The following TLR8 variants were observed in gnomAD, a reference collection of about 807,000 sequenced individuals.
The protein encoded by TLR8 is toll-like receptor 8.
In TLR8, 5 loss-of-function variants were observed where a neutral mutation model predicts 18.5. The observed-to-expected ratio is 0.27, with a 90% CI of 0.14 to 0.57. The LOEUF (loss-of-function observed/expected upper bound fraction) is 0.57. TLR8 is among the 20% of genes least tolerant of loss of function. The pLI is 0.92. For missense variants in TLR8, 543 were observed against 769.8 expected (o/e 0.71, Z 3.49); for synonymous variants, 299 against 300.1 (o/e 1.00, Z 0.04).
intron 1 of TLR8, among the ~76,000 whole-genome samples, chrX:12,909,461 T>C (rs767166547): frequency 2.5e-4 from 28 of 111,963 alleles, no homozygotes; most frequent in Middle Eastern, 4.2e-3. Flanking sequence ...CATTAGCAGA[T>C]ACAGGCTGTG....
chrX:12,920,894 T>C lies in TLR8; in HGVS notation c.1854T>C (p.Asn618=). 1 of 1,210,766 alleles carries C rather than the reference T, an allele frequency of 8.3e-7. No homozygotes were observed. Among genetic ancestry groups the C allele is most frequent in the Non-Finnish European group, 1.1e-6 (1 of 894,684 alleles). ...KSLVELVFSG[N]RLDILWNDDD... ...TGGTAGAATTAGTTTTCAGTGGCAA[T>C]CGCCTTGACATTTTGTGGAATGATG... The change falls in exon 2 of 2, where the codon AAT becomes AAC. Residue 618 remains asparagine (N), a synonymous_variant. Coordinates refer to ENST00000218032, the MANE Select transcript of TLR8 (RefSeq NM_138636.5).
chrX:12,914,875 G>A (rs1385037421), intron 1 of TLR8, among the ~76,000 whole-genome samples: 2 of 111,101 alleles, frequency 1.8e-5, no homozygotes, highest in Non-Finnish European at 3.8e-5. Flanking sequence ...GTTGGTAATA[G>A]GACACAAAAT....
rs1430894405 is a variant in TLR8, at chrX:12,921,122, C to A, written c.2082C>A (p.Asp694Glu). The change falls in exon 2 of 2, where the codon GAC becomes GAA. Residue 694 changes from aspartate to glutamate, a missense_variant. Transcript: ENST00000218032. ...LQQFPRLELLDLRGNKLLFLT... is the reference protein window; with the variant it reads ...LQQFPRLELLELRGNKLLFLT... ...AGTTTCCTCGTCTCGAGTTGCTTGA[C>A]TTACGTGGAAACAAACTACTCTTTT... 1 of 1,211,557 alleles carries A rather than the reference C, an allele frequency of 8.3e-7. No individual in the cohort carries two copies.
At chrX:12,916,559 C>T (rs1403235042) in intron 1 of TLR8, among the ~76,000 whole-genome samples, 4 of 112,155 alleles carry the variant, frequency 3.6e-5, no homozygotes, top group South Asian at 7.4e-4. Context: ...AGCCTGGAGA[C>T]CTGTGGCTGC....
intron 1 of TLR8, chrX:12,910,186 C>T (rs2043011445): frequency 1.7e-6 from 1 of 581,027 alleles, no homozygotes; most frequent in Non-Finnish European, 2.6e-6. Context: ...AATCAGAATC[C>T]ATCAAAAATT....
In TLR8 at chrX:12,919,209, G is replaced by A. The variant is rs2043076680; in HGVS notation, c.169G>A (p.Val57Ile). The change falls in exon 2 of 2, where the codon GTT becomes ATT. Residue 57 changes from valine to isoleucine, a missense_variant. Val to Ile is a conservative substitution (Grantham distance 29). Coordinates refer to ENST00000218032, the MANE Select transcript of TLR8 (RefSeq NM_138636.5). ...GTGCAGCAATCGTCGACTACAGGAA[G>A]TTCCCCAAACGGTGGGCAAATATGT... ...AECSNRRLQE[V>I]PQTVGKYVTE... 5.8e-6 allele frequency: 7 copies of A among 1,210,488 alleles called. No individual in the cohort carries two copies. The highest frequency in any genetic ancestry group is 7.8e-6 in the Non-Finnish European group (7 of 895,365).
At chrX:12,916,111 C>A (rs756761207) in intron 1 of TLR8, among the ~76,000 whole-genome samples, 12 of 111,567 alleles carry the variant, frequency 1.1e-4, no homozygotes, top group Non-Finnish European at 1.9e-4. Flanking sequence ...GAACTCCCGA[C>A]CTCAGGTGAT....
intron 1 of TLR8, among the ~76,000 whole-genome samples, chrX:12,910,603 A>T (rs2043014516): frequency 8.9e-6 from 1 of 112,317 alleles, no homozygotes; most frequent in African/African-American, 3.2e-5. Context: ...CTTCAGGCGA[A>T]TTCTGGGTGT....
In TLR8 at chrX:12,919,387, T is replaced by C; in HGVS notation, c.347T>C (p.Ile116Thr). 1 of 1,211,610 alleles carries C rather than the reference T, an allele frequency of 8.3e-7. No individual in the cohort carries two copies. The highest frequency in any genetic ancestry group is 1.1e-6 in the Non-Finnish European group (1 of 895,470). Residue 116 changes from isoleucine to threonine, a missense_variant, in exon 2 of 2, where the codon ATC becomes ACC. Physicochemically the swap from Ile to Thr is moderately conservative, Grantham distance 89 (BLOSUM62 -1). This residue lies in a region of TLR8 where 117 missense variants were observed against 111.0 expected (regional missense o/e 1.05). Coordinates refer to ENST00000218032, the MANE Select transcript of TLR8 (RefSeq NM_138636.5). ...GGTATACAATCAAATGGCTTGAATATCACAGACGGGGCATTCCTCAACCTA... is the reference window on the plus strand; with the variant it reads ...GGTATACAATCAAATGGCTTGAATACCACAGACGGGGCATTCCTCAACCTA... The part of the protein sequence containing the change: ...NPGIQSNGLN[I>T]TDGAFLNLKN...
Position 12,920,230 on chromosome X carries a change from C to T in TLR8, c.1190C>T (p.Ser397Leu). 2.5e-6 allele frequency: 3 copies of T among 1,206,484 alleles called. No individual in the cohort carries two copies. The highest frequency in any genetic ancestry group is 3.4e-6 in the Non-Finnish European group (3 of 893,132). The change falls in exon 2 of 2, where the codon TCG becomes TTG. Residue 397 changes from serine (S) to leucine (L), a missense_variant. Coordinates refer to ENST00000218032, the MANE Select transcript of TLR8 (RefSeq NM_138636.5). ...FQPLMQLPNL[S>L]TINLGINFIK... ...CCCCTGATGCAGCTTCCAAACTTAT[C>T]GACTATCAACTTGGGTATTAATTTT... is the stretch of plus-strand genomic sequence containing the variant.
rs766077025 is a variant in TLR8 at position 12,919,879 on chromosome X, G to A, written c.839G>A (p.Arg280His). 1 of 1,209,369 alleles carries A rather than the reference G, an allele frequency of 8.3e-7. No individual in the cohort carries two copies. Among genetic ancestry groups the A allele is most frequent in the Non-Finnish European group, 1.1e-6 (1 of 895,067 alleles). Residue 280 changes from arginine (R) to histidine (H), a missense_variant, in exon 2 of 2, where the codon CGT becomes CAT. Around this residue, in one of 4 missense-constraint regions of TLR8, gnomAD observed 185 missense variants for 298.9 expected, o/e 0.62. Coordinates refer to ENST00000218032, the MANE Select transcript of TLR8 (RefSeq NM_138636.5). Reference sequence around the variant, plus strand: ...GGTGGTGCTTCAATTAATATAGATCGTTTTGCTTTTCAAAACTTGACCCAA... The same window carrying A: ...GGTGGTGCTTCAATTAATATAGATCATTTTGCTTTTCAAAACTTGACCCAA... ...CDGGASINIDRFAFQNLTQLR... is the reference protein window; with the variant it reads ...CDGGASINIDHFAFQNLTQLR...
At chrX:12,916,726 T>C (rs1400940828) in intron 1 of TLR8, among the ~76,000 whole-genome samples, 2 of 112,370 alleles carry the variant, frequency 1.8e-5, no homozygotes, top group Non-Finnish European at 3.8e-5. Flanking sequence ...AGTTAGAATC[T>C]GGGCAGGTTT....
At chrX:12,910,441 A>G (rs1301306555) in intron 1 of TLR8, 2 of 1,167,473 alleles carry the variant, frequency 1.7e-6, no homozygotes. Context: ...GAGACTAAAA[A>G]GGTAAAAAGC....
chrX:12,914,853 G>A (rs2043044089), intron 1 of TLR8, among the ~76,000 whole-genome samples: 1 of 111,586 alleles, frequency 9.0e-6, no homozygotes, highest in Non-Finnish European at 1.9e-5. Flanking sequence ...CAGATGAAGA[G>A]ATTGGGGAGA....
chrX:12,920,390 T>C lies in TLR8; in HGVS notation c.1350T>C (p.His450=). 2 of 1,210,259 alleles carry C rather than the reference T, an allele frequency of 1.7e-6. No homozygotes were observed. The highest frequency in any genetic ancestry group is 1.8e-5 in the South Asian group (1 of 56,544). The change falls in exon 2 of 2, where the codon CAT becomes CAC. Residue 450 remains histidine, a synonymous_variant. Coordinates refer to ENST00000218032, the MANE Select transcript of TLR8 (RefSeq NM_138636.5). ...SYANSSSFQR[H]IRKRRSTDFE... ...CAAATAGTTCCTCTTTTCAACGTCA[T>C]ATCCGGAAACGACGCTCAACAGATT...
At chrX:12,914,414 C>T (rs906110335) in intron 1 of TLR8, among the ~76,000 whole-genome samples, 1 of 111,521 alleles carries the variant, frequency 9.0e-6, no homozygotes, top group African/African-American at 3.3e-5. Context: ...TGTCAGAACT[C>T]TCTTCTGAGC....
At position 12,921,441 on chromosome X, in the gene TLR8, G is replaced by T; in HGVS notation, c.2401G>T (p.Val801Phe). ...LNVKIPRLVD[V>F]ICASPGDQRG... is the part of the protein sequence containing the mutation. The stretch of plus-strand genomic sequence containing the variant: ...TGTCAAAATTCCCAGACTGGTAGAT[G>T]TCATTTGTGCCAGTCCTGGGGATCA... Residue 801 changes from valine to phenylalanine, a missense_variant, in exon 2 of 2, where the codon GTC becomes TTC. By Grantham distance (50) the Val-to-Phe change is conservative (BLOSUM62 -1). Coordinates refer to ENST00000218032, the MANE Select transcript of TLR8 (RefSeq NM_138636.5). 6 of 1,212,026 alleles carry T rather than the reference G, an allele frequency of 5.0e-6. No individual in the cohort carries two copies. Among genetic ancestry groups the T allele is most frequent in the Non-Finnish European group, 6.7e-6 (6 of 895,553 alleles).
At chrX:12,913,497 T>G (rs1174348708) in intron 1 of TLR8, among the ~76,000 whole-genome samples, 1 of 112,908 alleles carries the variant, frequency 8.9e-6, no homozygotes, top group Non-Finnish European at 1.9e-5. Context: ...TAATAAATAT[T>G]TAATGAATGA....
intron 1 of TLR8, among the ~76,000 whole-genome samples, chrX:12,907,885 CTGCACTAAAATT>C (rs2042995573): frequency 9.0e-6 from 1 of 111,547 alleles, no homozygotes; most frequent in African/African-American, 3.3e-5. Context: ...TAAATTAATT[CTGCACTAAAATT>C]TTACAATGCT....
Sources: allele counts gnomAD v4.1 joint callset (sites outside exome capture counted in the v4.1 genomes callset), GRCh38; gene constraint gnomAD v4.1.1; regional missense constraint gnomAD v4.1.1; transcripts MANE v1.5; gene names NCBI Gene and HGNC (gene_info 2026-07-23, HGNC 2026-07-21).